Variants in QKI observed in about 807,000 individuals in gnomAD.
The protein encoded by QKI is KH domain-containing RNA-binding protein QKI.
In QKI, 10 loss-of-function variants were observed where a neutral mutation model predicts 39.0. The ratio of observed to expected loss-of-function variants is 0.26; its 90% CI spans 0.16 to 0.43. The LOEUF (loss-of-function observed/expected upper bound fraction) is 0.43, where lower values mean the gene tolerates loss of function less well. Among genes scored for constraint, QKI ranks in the 20% least tolerant of loss-of-function variants. QKI has a pLI of 1.00. For missense variants in QKI, 218 were observed against 428.0 expected, an observed-to-expected ratio of 0.51 and a Z score of 4.33; for synonymous variants, 204 against 155.4, an observed-to-expected ratio of 1.31 and a Z score of -2.33.
rs187529933 is a variant in QKI, at chr6:163,495,204, C to T, written c.402+16308C>T. On this transcript the variant is annotated intron_variant, in intron 3 of 7. Coordinates refer to ENST00000361752, the MANE Select transcript of QKI (RefSeq NM_006775.3). ...TGCTGGGATTACAGGCATGAGCCAC[C>T]GCGCTTGGCCTAAATAAGGTGTCTT... 3.0e-4 allele frequency among the ~76,000 whole-genome samples: 45 copies of T among 152,232 alleles called. No homozygotes were observed. The East Asian group carries it at 6.0e-3, about 20-fold the overall frequency.
chr6:163,570,074 G>A, intron 7 of QKI: 1 of 986,100 alleles, frequency 1.0e-6, no homozygotes, highest in African/African-American at 1.7e-5. Context: ...TGTATCATGA[G>A]GCCAAGAAAT....
intron 4 of QKI, among the ~76,000 whole-genome samples, chr6:163,540,195 GT>G (rs1781428538): frequency 6.6e-6 from 1 of 151,822 alleles, no homozygotes; most frequent in Non-Finnish European, 1.5e-5. Context: ...ATTTTGTTAG[GT>G]GTTGTATAGC....
chr6:163,451,723 G>A (rs759586829), intron 1 of QKI, among the ~76,000 whole-genome samples: 2 of 152,152 alleles, frequency 1.3e-5, no homozygotes, highest in African/African-American at 2.4e-5. Context: ...GGTTGTTGAA[G>A]GTAGTGCAGT....
chr6:163,476,965 A>G (rs1239922957), intron 2 of QKI, among the ~76,000 whole-genome samples: 1 of 150,360 alleles, frequency 6.7e-6, no homozygotes, highest in African/African-American at 2.5e-5. Context: ...CCATTCTGTA[A>G]TTGAGGCTTA....
chr6:163,559,453 TATA>T (rs1782858574), intron 4 of QKI, among the ~76,000 whole-genome samples: 1 of 152,222 alleles, frequency 6.6e-6, no homozygotes, highest in Non-Finnish European at 1.5e-5. Flanking sequence ...GAAGTTTTAT[TATA>T]ATGGATTTGA....
At chr6:163,442,787 G>A (rs982902657) in intron 1 of QKI, among the ~76,000 whole-genome samples, 1 of 152,138 alleles carries the variant, frequency 6.6e-6, no homozygotes, top group Admixed American at 6.6e-5. Flanking sequence ...ATTTCATTGT[G>A]GAGGGTTGGT....
chr6:163,456,748 G>A (rs1011916229), intron 2 of QKI, among the ~76,000 whole-genome samples: 4 of 152,092 alleles, frequency 2.6e-5, no homozygotes, highest in Non-Finnish European at 5.9e-5. Context: ...GAGTTGGTTG[G>A]AAGATTATTG....
rs1005565245 is a variant in QKI at position 163,415,128 on chromosome 6, G to T, written c.-66G>T. The T allele has an allele frequency of 9.7e-6, 12 of 1,234,904 alleles. No homozygotes were observed. The South Asian group carries it at 2.0e-4, about 20-fold the overall frequency. The allele number at this position is 1,234,904 out of a possible 1,614,324, so 76.5% of individuals were successfully genotyped here. A position where few individuals can be genotyped will look rare whatever the true frequency, so the allele number is the denominator to read the frequency against. ...CGGCCCGCGGCCGGGGCTCGCCCCC[G>T]CCCCTCCCTCCTCTCCGGCGGCGGC... On this transcript the variant is annotated 5_prime_UTR_variant, in exon 1 of 8. Coordinates refer to ENST00000361752, the MANE Select transcript of QKI (RefSeq NM_006775.3).
In QKI at chr6:163,573,760, A is replaced by G. The variant is rs1275217319; in HGVS notation, c.*3050A>G. ...GGTTCTTTGCTGTTTCTATTAACCC[A>G]CAGCATTATTTTAATAAATGTTATA... is the stretch of plus-strand genomic sequence containing the variant. On this transcript the variant is annotated 3_prime_UTR_variant, in exon 8 of 8. Coordinates refer to ENST00000361752, the MANE Select transcript of QKI (RefSeq NM_006775.3). 6.6e-6 allele frequency: 1 copy of G among 152,180 alleles called. No homozygotes were observed. Among genetic ancestry groups the G allele is most frequent in the Non-Finnish European group, 1.5e-5 (1 of 68,036 alleles). The allele number at this position is 152,180 out of a possible 1,614,324, so 9.4% of individuals were successfully genotyped here. A position where few individuals can be genotyped will look rare whatever the true frequency, so the allele number is the denominator to read the frequency against.
At chr6:163,524,479 T>G (rs2128238476) in intron 3 of QKI, among the ~76,000 whole-genome samples, 1 of 152,304 alleles carries the variant, frequency 6.6e-6, no homozygotes, top group Admixed American at 6.5e-5. Context: ...TTTTTATTTT[T>G]TGAGATGGAG....
intron 2 of QKI, among the ~76,000 whole-genome samples, chr6:163,467,058 C>T (rs1056662759): frequency 3.4e-5 from 5 of 148,866 alleles, no homozygotes; most frequent in African/African-American, 1.2e-4. Flanking sequence ...AAAAAAATGA[C>T]ATCACCCAAT....
chr6:163,415,737 G>A (rs1787403274), intron 1 of QKI, among the ~76,000 whole-genome samples: 1 of 151,862 alleles, frequency 6.6e-6, no homozygotes, highest in African/African-American at 2.4e-5. Context: ...CCTGGAGGAC[G>A]CGTGTGCCCG....
intron 2 of QKI, among the ~76,000 whole-genome samples, chr6:163,476,899 C>G (rs543734290): frequency 6.6e-6 from 1 of 152,244 alleles, no homozygotes; most frequent in East Asian, 1.9e-4. Context: ...TTGTGCTATA[C>G]ACATACATAT....
Position 163,577,349 on chromosome 6 carries a change from T to C in QKI, c.*6639T>C, listed in dbSNP as rs1479721129. On this transcript the variant is annotated 3_prime_UTR_variant, in exon 8 of 8. Transcript: ENST00000361752. Reference sequence around the variant, plus strand: ...TGTTTGGTTTGGCTTATACGGTGTTTTGCTTTTTAAACTACTTGCCATAAT... The same window carrying C: ...TGTTTGGTTTGGCTTATACGGTGTTCTGCTTTTTAAACTACTTGCCATAAT... 1 of 152,190 alleles carries C rather than the reference T, an allele frequency of 6.6e-6. No homozygotes were observed. The highest frequency in any genetic ancestry group is 2.4e-5 in the African/African-American group (1 of 41,458). 9.4% of individuals were successfully genotyped at this position (152,190 alleles called of 1,614,324 possible).
At chr6:163,534,687 T>A (rs7754132) in intron 3 of QKI, among the ~76,000 whole-genome samples, 10,242 of 152,298 alleles carry the variant, frequency 0.067, 478 homozygotes, top group African/African-American at 0.13. Context: ...TACATGATGA[T>A]GATGTATGCT....
intron 3 of QKI, among the ~76,000 whole-genome samples, chr6:163,487,477 C>G (rs1043934560): frequency 2.6e-4 from 40 of 152,128 alleles, no homozygotes; most frequent in African/African-American, 9.7e-4. Context: ...AATATGTTGT[C>G]AGTGTTAATA....
At chr6:163,569,223 A>G in intron 7 of QKI, 1 of 963,120 alleles carries the variant, frequency 1.0e-6, no homozygotes, top group Non-Finnish European at 1.2e-6. Flanking sequence ...TTCAGGGAAG[A>G]TTTGGTCACA....
Position 163,535,060 on chromosome 6 carries a change from C to G in QKI, c.481C>G (p.Gln161Glu), listed in dbSNP as rs1462826051. Reference protein sequence around the residue: ...LHVLITVEDAQNRAEIKLKRA... With the variant: ...LHVLITVEDAENRAEIKLKRA... ...TGTACTAATCACTGTGGAAGATGCT[C>G]AGAACAGAGCAGAAATCAAATTGAA... is the stretch of plus-strand genomic sequence containing the variant. Residue 161 changes from glutamine to glutamate, a missense_variant, in exon 4 of 8, where the codon CAG (glutamine) becomes GAG (glutamate). This residue lies in a region of QKI where 61 missense variants were observed against 193.3 expected (regional missense o/e 0.32). Coordinates refer to ENST00000361752, the MANE Select transcript of QKI (RefSeq NM_006775.3). 1.2e-6 allele frequency: 2 copies of G among 1,611,246 alleles called. No individual in the cohort carries two copies. Among genetic ancestry groups the G allele is most frequent in the African/African-American group, 2.7e-5 (2 of 74,778 alleles).
intron 7 of QKI, chr6:163,568,144 A>G (rs1266343113): frequency 1.0e-6 from 1 of 985,264 alleles, no homozygotes; most frequent in Non-Finnish European, 1.2e-6. Flanking sequence ...TTTTTTGGAA[A>G]GTCACTTGAG....
Sources: gnomAD v4.1 joint callset for allele counts (sites outside exome capture counted in the v4.1 genomes callset) on GRCh38, gnomAD v4.1.1 for gene constraint, gnomAD v4.1.1 regional missense constraint, MANE v1.5 for transcripts, NCBI Gene and HGNC (gene_info 2026-07-23, HGNC 2026-07-21) for gene names.